RIT2: variants seen among roughly 807,000 people sequenced by gnomAD.
RIT2 encodes GTP-binding protein Rit2.
RIT2 carries 24 observed loss-of-function variants against 23.7 expected under a neutral mutation model. That is an observed-to-expected ratio of 1.01 (90% CI 0.73 to 1.43). The LOEUF is 1.43. Ranked by LOEUF, RIT2 falls within the 40% of genes most tolerant of loss-of-function variation. The probability of loss-of-function intolerance (pLI) is 0.00; values close to 1 mark genes in which losing one functional copy is unlikely to be tolerated. For synonymous variants in RIT2, 107 were observed against 91.1 expected, an observed-to-expected ratio of 1.17 and a Z score of -0.99; for missense variants, 236 against 266.9, an observed-to-expected ratio of 0.88 and a Z score of 0.81.
At chr18:42,835,355 T>C (rs994502765) in intron 4 of RIT2, among the ~76,000 whole-genome samples, 6 of 152,052 alleles carry the variant, frequency 3.9e-5, no homozygotes, top group African/African-American at 1.4e-4. Context: ...CATCATGTTC[T>C]ATACCTTAAA....
chr18:42,965,930 C>A (rs986057139), intron 3 of RIT2, among the ~76,000 whole-genome samples: 6 of 151,592 alleles, frequency 4.0e-5, no homozygotes, highest in Non-Finnish European at 8.8e-5. Context: ...AGTAATATAG[C>A]CACATCACTG....
chr18:43,115,328 A>G, intron 1 of RIT2, 89 bp downstream of exon 1: 1 of 1,524,286 alleles, frequency 6.6e-7, no homozygotes, highest in South Asian at 1.2e-5. Context: ...TTCACCTCTA[A>G]CAGCATCAGC....
intron 2 of RIT2, among the ~76,000 whole-genome samples, chr18:43,030,968 A>G (rs1233381941): frequency 2.0e-5 from 3 of 152,124 alleles, no homozygotes; most frequent in Admixed American, 2.0e-4. Context: ...ACAGAAGAGT[A>G]TAAGACTGTA....
chr18:43,013,792 A>C (rs1388991064), intron 2 of RIT2, among the ~76,000 whole-genome samples: 1 of 151,670 alleles, frequency 6.6e-6, no homozygotes, highest in Non-Finnish European at 1.5e-5. Context: ...GTTGTGTGTA[A>C]AGACAAAAGG....
chr18:43,029,199 C>A (rs2144278204), intron 2 of RIT2, among the ~76,000 whole-genome samples: 1 of 152,042 alleles, frequency 6.6e-6, no homozygotes, highest in Admixed American at 6.6e-5. Flanking sequence ...GAATATAAAT[C>A]TTTCAGATGA....
chr18:43,103,019 T>C (rs1033004277), intron 1 of RIT2, among the ~76,000 whole-genome samples: 16 of 152,306 alleles, frequency 1.1e-4, no homozygotes, highest in Admixed American at 3.9e-4. Context: ...ACAAACTTCC[T>C]GTGGTCTATT....
intron 4 of RIT2, among the ~76,000 whole-genome samples, chr18:42,869,866 G>A (rs537857962): frequency 2.6e-5 from 4 of 152,152 alleles, no homozygotes; most frequent in Non-Finnish European, 5.9e-5. Context: ...AAAGGATAAT[G>A]TTCTTGGACC....
chr18:43,106,213 A>C (rs1913818875), intron 1 of RIT2, among the ~76,000 whole-genome samples: 1 of 152,236 alleles, frequency 6.6e-6, no homozygotes, highest in African/African-American at 2.4e-5. Flanking sequence ...TCATTGCAGG[A>C]AGAAATTGAA....
At chr18:42,805,973 T>C (rs1267830570) in intron 4 of RIT2, among the ~76,000 whole-genome samples, 1 of 151,936 alleles carries the variant, frequency 6.6e-6, no homozygotes, top group African/African-American at 2.4e-5. Flanking sequence ...CCACTCACCA[T>C]TTAACGACAC....
chr18:42,837,149 T>C (rs924976551), intron 4 of RIT2, among the ~76,000 whole-genome samples: 23 of 121,698 alleles, frequency 1.9e-4, no homozygotes, highest in African/African-American at 7.2e-4. Context: ...TTTTTTTTCT[T>C]TTTCTTTTTT....
intron 1 of RIT2, among the ~76,000 whole-genome samples, chr18:43,063,403 G>T (rs1201396125): frequency 1.3e-5 from 2 of 152,038 alleles, no homozygotes; most frequent in African/African-American, 4.8e-5. Flanking sequence ...CCAATTTCTG[G>T]TTTATATGCA....
intron 4 of RIT2, among the ~76,000 whole-genome samples, chr18:42,756,749 A>G (rs1281233677): frequency 1.3e-5 from 2 of 152,166 alleles, no homozygotes; most frequent in South Asian, 4.1e-4. Flanking sequence ...TATTAAATCA[A>G]TGGTCCTTCT....
chr18:42,852,777 C>G (rs960112656), intron 4 of RIT2, among the ~76,000 whole-genome samples: 1 of 136,238 alleles, frequency 7.3e-6, no homozygotes, highest in African/African-American at 2.7e-5. Context: ...CCCTCCCTCC[C>G]TCTCTCCCTC....
At chr18:43,058,430 T>C (rs1912560636) in intron 1 of RIT2, among the ~76,000 whole-genome samples, 1 of 152,090 alleles carries the variant, frequency 6.6e-6, no homozygotes, top group Admixed American at 6.6e-5. Flanking sequence ...CCAGACCCAC[T>C]AAATTAGATT....
chr18:42,993,700 T>C (rs1274198598), intron 2 of RIT2, among the ~76,000 whole-genome samples: 1 of 152,020 alleles, frequency 6.6e-6, no homozygotes, highest in African/African-American at 2.4e-5. Flanking sequence ...CAGCCACACC[T>C]CATTGCCACC....
chr18:43,102,484 C>T (rs1403638275), intron 1 of RIT2, among the ~76,000 whole-genome samples: 1 of 136,634 alleles, frequency 7.3e-6, no homozygotes, highest in African/African-American at 2.7e-5. Flanking sequence ...GAGTAGTCCA[C>T]AGTTCTGGTG....
At chr18:42,929,034 G>GATACATATATATAT (rs1555647354) in intron 3 of RIT2, among the ~76,000 whole-genome samples, 1 of 96,956 alleles carries the variant, frequency 1.0e-5, no homozygotes, top group Non-Finnish European at 1.9e-5. Flanking sequence ...AAAATATGGA[G>GATACATATATATAT]ATATATATAT....
chr18:42,812,794 A>G (rs1279830452), intron 4 of RIT2, among the ~76,000 whole-genome samples: 1 of 152,178 alleles, frequency 6.6e-6, no homozygotes, highest in Non-Finnish European at 1.5e-5. Flanking sequence ...TGTGACTTAT[A>G]TTTATCCTGC....
intron 3 of RIT2, among the ~76,000 whole-genome samples, chr18:42,946,491 T>C (rs1357550136): frequency 6.6e-6 from 1 of 152,042 alleles, no homozygotes; most frequent in Non-Finnish European, 1.5e-5. Context: ...ACTATACAGG[T>C]ATATTTTTAA....
Sources: gnomAD v4.1 joint callset for allele counts (sites outside exome capture counted in the v4.1 genomes callset) on GRCh38, gnomAD v4.1.1 for gene constraint, MANE v1.5 for transcripts, NCBI Gene and HGNC (gene_info 2026-07-23, HGNC 2026-07-21) for gene names.